NEK5: variants seen among roughly 807,000 people sequenced by gnomAD.
NEK5 encodes NIMA related kinase 5, also known as serine/threonine-protein kinase Nek5.
In NEK5, 88 loss-of-function variants were observed where a neutral mutation model predicts 109.2. That is an observed-to-expected ratio of 0.81 (90% confidence interval 0.68 to 0.96). The LOEUF is 0.96. NEK5 is among the 40% of genes least tolerant of loss of function. NEK5 has a pLI of 0.00. For missense variants in NEK5, 834 were observed against 920.7 expected (o/e 0.91, Z 1.22); for synonymous variants, 283 against 299.9 (o/e 0.94, Z 0.58).
chr13:52,108,437 GA>G, intron 7 of NEK5, 33 bp from the exon 8 acceptor site: 1 of 1,346,842 alleles, frequency 7.4e-7, no homozygotes, highest in Non-Finnish European at 1.1e-6. Flanking sequence ...AAATCAGCAT[GA>G]TTTTTTATTG....
chr13:52,079,446 C>A (rs369202495), intron 17 of NEK5, among the ~76,000 whole-genome samples: 3 of 152,198 alleles, frequency 2.0e-5, no homozygotes, highest in African/African-American at 7.2e-5. Context: ...ATTGCAGGGG[C>A]GCACCGCCAC....
At chr13:52,085,757 T>C (rs531525806) in intron 16 of NEK5, among the ~76,000 whole-genome samples, 12 of 152,362 alleles carry the variant, frequency 7.9e-5, no homozygotes, top group African/African-American at 2.4e-4. Flanking sequence ...AGAGACCTTC[T>C]TGGGAGATGG....
intron 13 of NEK5, among the ~76,000 whole-genome samples, chr13:52,092,565 A>G (rs566756501): frequency 2.8e-4 from 43 of 152,282 alleles, no homozygotes; most frequent in Non-Finnish European, 4.9e-4. Flanking sequence ...CCAACTAACA[A>G]GCAGGTATAG....
At chr13:52,073,699 A>G (rs1409909850) in intron 19 of NEK5, among the ~76,000 whole-genome samples, 1 of 152,136 alleles carries the variant, frequency 6.6e-6, no homozygotes, top group Non-Finnish European at 1.5e-5. Flanking sequence ...CCATCTCTTC[A>G]CGCTTATGAT....
chr13:52,080,716 C>T (rs1383264095), intron 17 of NEK5, among the ~76,000 whole-genome samples: 2 of 151,606 alleles, frequency 1.3e-5, no homozygotes, highest in Non-Finnish European at 2.9e-5. Context: ...GAGTCATCAC[C>T]ACTCCCTAAT....
intron 22 of NEK5, among the ~76,000 whole-genome samples, chr13:52,057,340 T>A (rs1276356082): frequency 6.7e-6 from 1 of 149,638 alleles, no homozygotes; most frequent in Non-Finnish European, 1.5e-5. Flanking sequence ...CAGGACCAGA[T>A]GGATTCACAG....
chr13:52,093,174 G>C lies in NEK5; in HGVS notation c.1088C>G (p.Ala363Gly), dbSNP rs755907903. 6.2e-7 allele frequency: 1 copy of C among 1,613,416 alleles called. No individual in the cohort carries two copies. The highest frequency in any genetic ancestry group is 2.2e-5 in the East Asian group (1 of 44,872). The change falls in exon 13 of 24, where the codon GCT (alanine) becomes GGT (glycine). Residue 363 changes from alanine (A) to glycine (G), a missense_variant. Ala to Gly is a moderately conservative substitution (Grantham distance 60). This residue lies in a region of NEK5 where 777 missense variants were observed against 824.7 expected (regional missense o/e 0.94). Transcript: ENST00000684899. The stretch of plus-strand genomic sequence containing the variant: ...TCTCCTCCTCAGCATATCAAGTTGA[G>C]CATAATAATAATCATAATGTCCACA... ...AVCGHYDYYYAQLDMLRRRAH... is the reference protein window; with the variant it reads ...AVCGHYDYYYGQLDMLRRRAH...
intron 17 of NEK5, among the ~76,000 whole-genome samples, chr13:52,079,869 G>C (rs1325418087): frequency 1.3e-5 from 2 of 151,644 alleles, no homozygotes; most frequent in African/African-American, 4.9e-5. Context: ...GTCTCTGCCC[G>C]GCCGCCCATC....
intron 23 of NEK5, among the ~76,000 whole-genome samples, chr13:52,047,294 A>G (rs1954467742): frequency 6.6e-6 from 1 of 152,178 alleles, no homozygotes; most frequent in African/African-American, 2.4e-5. Flanking sequence ...ATACTGTTAA[A>G]TAAAAAAAAA....
chr13:52,105,282 AAGG>A (rs1955629003), intron 8 of NEK5, among the ~76,000 whole-genome samples: 3 of 55,572 alleles, frequency 5.4e-5, no homozygotes, highest in Non-Finnish European at 2.1e-4. Context: ...TGTCAGAGAG[AAGG>A]AGAGAGAGAT....
Position 52,065,098 on chromosome 13 carries a change from A to G in NEK5, c.1975+386T>C, listed in dbSNP as rs532164007. 9 of 251,720 alleles carry G rather than the reference A, an allele frequency of 3.6e-5. No homozygotes were observed. The East Asian group carries it at 7.0e-4, about 20-fold the overall frequency. 15.6% of individuals were successfully genotyped at this position (251,720 alleles called of 1,614,324 possible). On this transcript the variant is annotated intron_variant, in intron 21 of 23. Coordinates refer to ENST00000684899, the MANE Select transcript of NEK5 (RefSeq NM_001365552.1). The stretch of plus-strand genomic sequence containing the variant: ...ACCCTGCCAAATCCCCCTCTGCGAG[A>G]AACACCCAAGAATGATCAATAAAAA...
chr13:52,073,023 TA>T (rs1170238012), intron 19 of NEK5, among the ~76,000 whole-genome samples: 1 of 152,198 alleles, frequency 6.6e-6, no homozygotes, highest in African/African-American at 2.4e-5. Flanking sequence ...CCCAAATGCA[TA>T]AATGAGATTT....
At position 52,089,272 on chromosome 13, in the gene NEK5, T is replaced by A. The variant is rs562362241; in HGVS notation, c.1250A>T (p.Tyr417Phe). The A allele has an allele frequency of 4.4e-6, 7 of 1,606,022 alleles. No homozygotes were observed. The highest frequency in any genetic ancestry group is 6.0e-6 in the Non-Finnish European group (7 of 1,172,920). ...CAATTGCTTCTCCACTTTCAACTTA[T>A]ATTGTTGAGCTTCAAATTTTCTCTG... ...YLQRKFEAQQ[Y>F]KLKVEKQLGL... The change falls in exon 14 of 24, where the codon TAT becomes TTT. Residue 417 changes from tyrosine to phenylalanine, a missense_variant. Around this residue, in one of 2 missense-constraint regions of NEK5, gnomAD observed 777 missense variants for 824.7 expected, o/e 0.94. Transcript: ENST00000684899.
intron 21 of NEK5, among the ~76,000 whole-genome samples, chr13:52,064,143 C>A (rs1954645323): frequency 7.0e-6 from 1 of 143,350 alleles, no homozygotes; most frequent in Non-Finnish European, 1.5e-5. Flanking sequence ...AGGAGCCCCT[C>A]TGCCTGGCCA....
At chr13:52,085,177 T>C (rs1199261328) in intron 16 of NEK5, among the ~76,000 whole-genome samples, 7 of 152,062 alleles carry the variant, frequency 4.6e-5, no homozygotes, top group African/African-American at 7.2e-5. Flanking sequence ...TGGTAGTGAG[T>C]AAGTCTCACA....
intron 15 of NEK5, among the ~76,000 whole-genome samples, chr13:52,086,799 T>G (rs189632956): frequency 1.0e-3 from 157 of 150,160 alleles, no homozygotes; most frequent in Non-Finnish European, 2.0e-3. Context: ...ACTGATGTCC[T>G]TGCAAGAAGA....
chr13:52,063,047 T>C (rs1243472328), intron 21 of NEK5, among the ~76,000 whole-genome samples: 1 of 150,806 alleles, frequency 6.6e-6, no homozygotes, highest in Non-Finnish European at 1.5e-5. Flanking sequence ...CTCCCCACGG[T>C]CCCCCTCTCC....
intron 13 of NEK5, 42 bp downstream of exon 13, chr13:52,093,011 TA>T: frequency 1.0e-5 from 13 of 1,301,332 alleles, no homozygotes; most frequent in Non-Finnish European, 1.4e-5. Context: ...TATATAAAGA[TA>T]TTTTTAGATT....
intron 3 of NEK5, 144 bp downstream of exon 3, chr13:52,127,222 A>G: frequency 1.7e-6 from 1 of 577,682 alleles, no homozygotes; most frequent in South Asian, 2.1e-5. Context: ...TGTTTGGACA[A>G]TGGACTTAGG....
Sources: allele counts gnomAD v4.1 joint callset (sites outside exome capture counted in the v4.1 genomes callset), GRCh38; gene constraint gnomAD v4.1.1; regional missense constraint gnomAD v4.1.1; transcripts MANE v1.5; gene names NCBI Gene and HGNC (gene_info 2026-07-23, HGNC 2026-07-21).